CSMD3: variants seen among roughly 807,000 people sequenced by gnomAD.
CSMD3 encodes the protein CUB and sushi domain-containing protein 3.
In CSMD3, 177 loss-of-function variants were observed where a neutral mutation model predicts 435.2. That is an observed-to-expected ratio of 0.41 (90% CI 0.36 to 0.46). CSMD3 has a LOEUF of 0.46. Ranked by LOEUF, CSMD3 falls within the 20% of genes least tolerant of loss-of-function variation. The pLI, the probability that CSMD3 is intolerant of heterozygous loss-of-function variation, is 0.34. For synonymous variants in CSMD3, 1,656 were observed against 1,520.5 expected (o/e 1.09, Z -2.07); for missense variants, 4,265 against 4,504.6 (o/e 0.95, Z 1.52).
At chr8:112,407,350 T>G (rs1208914017) in intron 34 of CSMD3, among the ~76,000 whole-genome samples, 1 of 152,046 alleles carries the variant, frequency 6.6e-6, no homozygotes, top group Non-Finnish European at 1.5e-5. Flanking sequence ...TTAGATTTTA[T>G]AGGTATGCCC....
intron 47 of CSMD3, among the ~76,000 whole-genome samples, chr8:112,314,909 A>G (rs1207337549): frequency 6.6e-6 from 1 of 151,640 alleles, no homozygotes; most frequent in African/African-American, 2.4e-5. Flanking sequence ...CTTTCTTCAC[A>G]TTTTTCCCAA....
At chr8:113,281,927 A>T (rs2093615635) in intron 2 of CSMD3, among the ~76,000 whole-genome samples, 1 of 151,902 alleles carries the variant, frequency 6.6e-6, no homozygotes, top group African/African-American at 2.4e-5. Context: ...TCTTTTCTTC[A>T]TATATGATGC....
chr8:113,169,494 G>A (rs1409915109), intron 4 of CSMD3, among the ~76,000 whole-genome samples: 1 of 151,760 alleles, frequency 6.6e-6, no homozygotes, highest in Non-Finnish European at 1.5e-5. Flanking sequence ...CTTTCTTTTT[G>A]GCCACAAATA....
Position 113,173,777 on chromosome 8 carries a change from G to A in CSMD3, c.654C>T (p.Cys218=), listed in dbSNP as rs764995989. 11 of 1,613,738 alleles carry A rather than the reference G, an allele frequency of 6.8e-6. No homozygotes were observed. The South Asian group carries it at 1.2e-4, about 18-fold the overall frequency. ...AAGCTGTATTAACTGAATTGGCTAT[G>A]CAGGTGAGCTGAGGGTGGCCATCAA... ...YILDGHPQLT[C]IANSVNTASW... The change falls in exon 4 of 71, where the codon TGC becomes TGT. Residue 218 remains cysteine (C), a synonymous_variant. Transcript: ENST00000297405.
intron 5 of CSMD3, among the ~76,000 whole-genome samples, chr8:113,076,181 G>T (rs1014894070): frequency 6.6e-6 from 1 of 150,926 alleles, no homozygotes; most frequent in African/African-American, 2.4e-5. Context: ...TAGAATTCAG[G>T]ATACTCTAAT....
chr8:112,799,541 G>A (rs751165210), intron 13 of CSMD3, among the ~76,000 whole-genome samples: 2 of 151,876 alleles, frequency 1.3e-5, no homozygotes, highest in Non-Finnish European at 2.9e-5. Flanking sequence ...TGCACATTGT[G>A]TGTATGTATT....
intron 6 of CSMD3, chr8:113,018,844 A>G: frequency 1.9e-6 from 1 of 540,108 alleles, no homozygotes; most frequent in South Asian, 2.4e-5. Flanking sequence ...CCTTTTAGAA[A>G]TCATAATATT....
intron 22 of CSMD3, among the ~76,000 whole-genome samples, chr8:112,628,419 T>C (rs1372452630): frequency 6.6e-6 from 1 of 152,008 alleles, no homozygotes; most frequent in African/African-American, 2.4e-5. Flanking sequence ...GGTTGGTTGG[T>C]TGGTTTACTT....
intron 1 of CSMD3, among the ~76,000 whole-genome samples, chr8:113,315,606 T>C (rs2093903333): frequency 6.7e-6 from 1 of 148,644 alleles, no homozygotes; most frequent in Non-Finnish European, 1.5e-5. Context: ...ATATATTAAA[T>C]ATATATCTCA....
At chr8:112,290,234 A>G (rs1477078395) in intron 56 of CSMD3, among the ~76,000 whole-genome samples, 2 of 152,078 alleles carry the variant, frequency 1.3e-5, no homozygotes, top group Non-Finnish European at 2.9e-5. Flanking sequence ...AGTTGTACTC[A>G]GAGAAATACT....
At chr8:112,507,511 A>G (rs140122240) in intron 28 of CSMD3, among the ~76,000 whole-genome samples, 2 of 152,312 alleles carry the variant, frequency 1.3e-5, no homozygotes, top group East Asian at 1.9e-4. Context: ...AAATACAAAT[A>G]AATACACACA....
chr8:112,592,789 T>C (rs144762642), intron 22 of CSMD3, among the ~76,000 whole-genome samples: 49 of 152,262 alleles, frequency 3.2e-4, no homozygotes, highest in African/African-American at 1.1e-3. Flanking sequence ...AAAATAACTA[T>C]GGATATGCCT....
chr8:112,494,464 TTC>T (rs201817644), intron 30 of CSMD3, among the ~76,000 whole-genome samples: 4 of 104,634 alleles, frequency 3.8e-5, no homozygotes, highest in Non-Finnish European at 7.7e-5. Context: ...TTTCTCTCCT[TTC>T]TCTTTCTTTT....
Position 113,042,270 on chromosome 8 carries a change from T to C in CSMD3, c.918-23091A>G, listed in dbSNP as rs556592534. 3.9e-5 allele frequency among the ~76,000 whole-genome samples: 6 copies of C among 152,218 alleles called. No homozygotes were observed. In the East Asian group the frequency reaches 1.2e-3, roughly 29 times the overall value. Reference sequence around the variant, plus strand: ...CAGCAGCGATCATGGTTAGAAACAGTAAAAAAACTAGTATAGTAGAATCAC... The same window carrying C: ...CAGCAGCGATCATGGTTAGAAACAGCAAAAAAACTAGTATAGTAGAATCAC... On this transcript the variant is annotated intron_variant, in intron 5 of 70. Coordinates refer to ENST00000297405, the MANE Select transcript of CSMD3 (RefSeq NM_198123.2).
intron 4 of CSMD3, among the ~76,000 whole-genome samples, chr8:113,104,457 G>C (rs1402940): frequency 1.3e-5 from 2 of 151,610 alleles, no homozygotes; most frequent in African/African-American, 4.8e-5. Context: ...CATATATGGA[G>C]CAGTAGTTAA....
intron 40 of CSMD3, among the ~76,000 whole-genome samples, chr8:112,349,519 A>G (rs987233715): frequency 2.0e-5 from 3 of 152,068 alleles, no homozygotes; most frequent in African/African-American, 7.2e-5. Context: ...AGAAAAAAAC[A>G]TATTTATTTT....
intron 59 of CSMD3, among the ~76,000 whole-genome samples, chr8:112,278,620 G>A (rs1818317993): frequency 6.6e-6 from 1 of 152,116 alleles, no homozygotes; most frequent in African/African-American, 2.4e-5. Context: ...GGGAAAGGCT[G>A]GCACACTGTG....
intron 1 of CSMD3, among the ~76,000 whole-genome samples, chr8:113,322,345 T>C (rs1018940711): frequency 1.3e-5 from 2 of 152,176 alleles, no homozygotes; most frequent in Non-Finnish European, 2.9e-5. Flanking sequence ...TTTTTGGTGA[T>C]GGGAGAGATG....
intron 16 of CSMD3, among the ~76,000 whole-genome samples, chr8:112,676,872 G>C (rs190983042): frequency 2.0e-5 from 3 of 152,078 alleles, no homozygotes; most frequent in Admixed American, 6.6e-5. Flanking sequence ...AAGTTCTTTT[G>C]GGATTCATTG....
Sources: allele counts gnomAD v4.1 joint callset (sites outside exome capture counted in the v4.1 genomes callset), GRCh38; gene constraint gnomAD v4.1.1; transcripts MANE v1.5; gene names NCBI Gene and HGNC (gene_info 2026-07-23, HGNC 2026-07-21).